Variants in BTRC observed in about 807,000 individuals in gnomAD.
BTRC encodes F-box/WD repeat-containing protein 1A.
In BTRC, 42 loss-of-function variants were observed where a neutral mutation model predicts 85.5. The ratio of observed to expected loss-of-function variants is 0.49; its 90% CI spans 0.38 to 0.64. BTRC has a LOEUF of 0.64. Among genes scored for constraint, BTRC ranks in the 30% least tolerant of loss-of-function variants. The pLI is 0.00. For synonymous variants in BTRC, 255 were observed against 263.3 expected (o/e 0.97, Z 0.30); for missense variants, 594 against 743.5 (o/e 0.80, Z 2.34).
At chr10:101,392,018 C>T (rs929094834) in intron 1 of BTRC, among the ~76,000 whole-genome samples, 9 of 151,986 alleles carry the variant, frequency 5.9e-5, no homozygotes, top group Non-Finnish European at 1.2e-4. Context: ...CTTGCTCTGT[C>T]GCCCAGGCTG....
chr10:101,477,510 C>G (rs887686621), intron 3 of BTRC, among the ~76,000 whole-genome samples: 1 of 152,142 alleles, frequency 6.6e-6, no homozygotes, highest in African/African-American at 2.4e-5. Flanking sequence ...GACAGGGCCT[C>G]GCTGTGCTGC....
intron 12 of BTRC, among the ~76,000 whole-genome samples, chr10:101,537,299 A>AGGT (rs918477648): frequency 2.1e-4 from 32 of 152,288 alleles, no homozygotes; most frequent in African/African-American, 7.7e-4. Context: ...AGACCGAGAC[A>AGGT]GGTGGATCAT....
chr10:101,433,635 G>A (rs576443621), intron 2 of BTRC, among the ~76,000 whole-genome samples: 3 of 152,094 alleles, frequency 2.0e-5, no homozygotes, highest in African/African-American at 7.2e-5. Flanking sequence ...GAAAAGACTG[G>A]GGAAGCTTGA....
chr10:101,521,959 T>C (rs754408050), intron 5 of BTRC, 89 bp downstream of exon 5: 35 of 977,284 alleles, frequency 3.6e-5, no homozygotes, highest in Non-Finnish European at 5.2e-5. Context: ...TAAAAGTCTT[T>C]ATTGGCTTGA....
At chr10:101,399,117 T>C (rs533289218) in intron 1 of BTRC, among the ~76,000 whole-genome samples, 229 of 152,206 alleles carry the variant, frequency 1.5e-3, no homozygotes, top group African/African-American at 5.4e-3. Context: ...CATCCCCGGC[T>C]AATTTTTTTG....
chr10:101,499,923 G>A (rs1362537567), intron 4 of BTRC, among the ~76,000 whole-genome samples: 2 of 151,778 alleles, frequency 1.3e-5, no homozygotes, highest in Non-Finnish European at 2.9e-5. Context: ...ATGGACTTTC[G>A]AATCTGAAAG....
At chr10:101,409,455 A>G (rs1174090534) in intron 1 of BTRC, among the ~76,000 whole-genome samples, 2 of 152,140 alleles carry the variant, frequency 1.3e-5, no homozygotes, top group Non-Finnish European at 1.5e-5. Flanking sequence ...GTCATGTGTC[A>G]CTTGATGGGG....
chr10:101,540,267 G>T (rs1199218273), intron 13 of BTRC, among the ~76,000 whole-genome samples: 1 of 152,052 alleles, frequency 6.6e-6, no homozygotes, highest in Non-Finnish European at 1.5e-5. Context: ...TTTGTATTTT[G>T]GTCTATGATC....
intron 13 of BTRC, among the ~76,000 whole-genome samples, chr10:101,540,840 A>G (rs960416938): frequency 6.6e-6 from 1 of 152,132 alleles, no homozygotes; most frequent in Non-Finnish European, 1.5e-5. Context: ...AGTTTGGAGA[A>G]TATTGACTTC....
intron 1 of BTRC, among the ~76,000 whole-genome samples, chr10:101,362,672 G>A (rs1043311461): frequency 2.0e-5 from 3 of 152,168 alleles, no homozygotes; most frequent in African/African-American, 7.2e-5. Context: ...TGGGATTACA[G>A]GTGTGAGCCA....
chr10:101,419,266 C>T, intron 1 of BTRC, among the ~76,000 whole-genome samples: 1 of 152,126 alleles, frequency 6.6e-6, no homozygotes, highest in East Asian at 1.9e-4. Flanking sequence ...CCACGTCGGC[C>T]TCCCAAAGTG....
intron 2 of BTRC, among the ~76,000 whole-genome samples, chr10:101,451,996 C>G (rs571545401): frequency 6.6e-6 from 1 of 152,228 alleles, no homozygotes; most frequent in South Asian, 2.1e-4. Flanking sequence ...GTTCATAAAT[C>G]AAAGGAGTTT....
At chr10:101,367,591 C>T (rs1010980090) in intron 1 of BTRC, among the ~76,000 whole-genome samples, 15 of 152,162 alleles carry the variant, frequency 9.9e-5, no homozygotes, top group African/African-American at 3.6e-4. Context: ...TGCCTTCATG[C>T]TCCCTTTAGT....
intron 2 of BTRC, among the ~76,000 whole-genome samples, chr10:101,445,259 C>G (rs746266804): frequency 6.6e-6 from 1 of 152,116 alleles, no homozygotes; most frequent in Non-Finnish European, 1.5e-5. Flanking sequence ...GTAGGAGTAT[C>G]AGCTCTCAAA....
chr10:101,429,758 A>C (rs1261978937), intron 1 of BTRC, among the ~76,000 whole-genome samples: 1 of 139,368 alleles, frequency 7.2e-6, no homozygotes, highest in Non-Finnish European at 1.5e-5. Context: ...GTAACTGTGC[A>C]TTTTGGTTAA....
intron 13 of BTRC, among the ~76,000 whole-genome samples, chr10:101,549,267 CAAAAAAA>C (rs754113516): frequency 2.3e-5 from 1 of 43,030 alleles, no homozygotes; most frequent in African/African-American, 9.3e-5. Context: ...CTAATCTCTA[CAAAAAAA>C]AAAAAAAAAA....
At chr10:101,536,427 G>T in intron 11 of BTRC, 116 bp from the exon 12 acceptor site, 2 of 698,882 alleles carry the variant, frequency 2.9e-6, no homozygotes, top group Non-Finnish European at 5.1e-6. Context: ...ATCTGTGTGG[G>T]TGGTGATTGA....
At chr10:101,486,426 G>A (rs1030689756) in intron 4 of BTRC, among the ~76,000 whole-genome samples, 1 of 124,326 alleles carries the variant, frequency 8.0e-6, no homozygotes, top group African/African-American at 2.6e-5. Flanking sequence ...GGAGAAAAGC[G>A]TGGCACATTT....
At chr10:101,392,925 T>C (rs1191607724) in intron 1 of BTRC, among the ~76,000 whole-genome samples, 1 of 152,212 alleles carries the variant, frequency 6.6e-6, no homozygotes, top group African/African-American at 2.4e-5. Flanking sequence ...TTATGGTCTT[T>C]TGTTAATAAT....
Sources: allele counts gnomAD v4.1 joint callset (sites outside exome capture counted in the v4.1 genomes callset), GRCh38; gene constraint gnomAD v4.1.1; transcripts MANE v1.5; gene names NCBI Gene and HGNC (gene_info 2026-07-23, HGNC 2026-07-21).